The following CDH26 variants were observed in gnomAD, a reference collection of about 807,000 sequenced individuals.
CDH26 encodes the protein cadherin 26, also known as cadherin-like protein 26.
A neutral mutation model predicts 90.3 loss-of-function variants in CDH26; 83 were observed. The ratio of observed to expected loss-of-function variants is 0.92; its 90% CI spans 0.77 to 1.10. CDH26 has a LOEUF of 1.10. Among genes scored for constraint, CDH26 ranks in the 50% least tolerant of loss-of-function variants. CDH26 has a pLI of 0.00. For missense variants in CDH26, 1,013 were observed against 1,037.6 expected (o/e 0.98, Z 0.33); for synonymous variants, 397 against 396.3 (o/e 1.00, Z -0.02).
chr20:60,028,690 A>G (rs2062017113), intron 7 of CDH26, among the ~76,000 whole-genome samples: 2 of 152,180 alleles, frequency 1.3e-5, no homozygotes, highest in African/African-American at 4.8e-5. Context: ...TGACATGGCA[A>G]GTGAGGTTGT....
chr20:59,982,581 C>A (rs2061407364), intron 4 of CDH26, among the ~76,000 whole-genome samples: 1 of 152,212 alleles, frequency 6.6e-6, no homozygotes, highest in Non-Finnish European at 1.5e-5. Flanking sequence ...ATATTTATTT[C>A]TCATGACAAC....
chr20:59,982,145 G>A (rs187069645), intron 4 of CDH26, among the ~76,000 whole-genome samples: 47 of 151,962 alleles, frequency 3.1e-4, no homozygotes, highest in South Asian at 8.3e-4. Flanking sequence ...AATTCTCTCC[G>A]CTTCCTTATT....
chr20:60,019,138 A>C (rs1171082753), downstream of CDH26, among the ~76,000 whole-genome samples: 3 of 152,096 alleles, frequency 2.0e-5, no homozygotes, highest in Admixed American at 1.3e-4. Context: ...TGTTTTTAAA[A>C]TTATTCCTTT....
intron 17 of CDH26, among the ~76,000 whole-genome samples, chr20:60,007,684 A>G (rs192399396): frequency 1.6e-4 from 24 of 151,634 alleles, no homozygotes; most frequent in Non-Finnish European, 3.4e-4. Flanking sequence ...CCAGTGAGCA[A>G]TGAGGGCATC....
downstream of CDH26, among the ~76,000 whole-genome samples, chr20:60,016,254 A>G (rs900123962): frequency 2.0e-5 from 3 of 152,226 alleles, no homozygotes; most frequent in Non-Finnish European, 4.4e-5. Flanking sequence ...ATCCATGGGC[A>G]TGAAATGTCT....
chr20:59,991,373 A>T (rs1162105345), intron 9 of CDH26, among the ~76,000 whole-genome samples: 1 of 152,188 alleles, frequency 6.6e-6, no homozygotes, highest in Non-Finnish European at 1.5e-5. Context: ...CTTTTGTGAC[A>T]GGGTGGAGGC....
intron 7 of CDH26, 54 bp downstream of exon 7, chr20:59,985,183 G>A: frequency 6.2e-7 from 1 of 1,600,890 alleles, no homozygotes; most frequent in Admixed American, 1.7e-5. Context: ...TAGCCCTTGG[G>A]TCCTAGGCTC....
At position 59,958,662 on chromosome 20, in the gene CDH26, G is replaced by A. The variant is rs897956957; in HGVS notation, c.-65G>A. The A allele has an allele frequency of 6.6e-7, 1 of 1,524,202 alleles. No individual in the cohort carries two copies. The highest frequency in any genetic ancestry group is 9.1e-7 in the Non-Finnish European group (1 of 1,099,446). 94.4% of individuals were successfully genotyped at this position (1,524,202 alleles called of 1,614,324 possible). On this transcript the variant is annotated 5_prime_UTR_variant, in exon 1 of 18. Coordinates refer to ENST00000348616, the MANE Select transcript of CDH26 (RefSeq NM_177980.4). ...TGAGAAGGAGGTGTGTGGCTCCGGT[G>A]AGACCACCAGCTTGGAGGACTGGTC... is the stretch of plus-strand genomic sequence containing the variant.
At chr20:60,006,861 G>A in intron 17 of CDH26, 74 bp downstream of exon 17, 1 of 1,116,100 alleles carries the variant, frequency 9.0e-7, no homozygotes, top group Non-Finnish European at 1.4e-6. Context: ...GCTTGATTTG[G>A]GGACACTTCC....
intron 1 of CDH26, among the ~76,000 whole-genome samples, chr20:59,968,137 G>A (rs1168401872): frequency 2.9e-5 from 4 of 138,390 alleles, no homozygotes; most frequent in Non-Finnish European, 4.6e-5. Flanking sequence ...TTGCTCTGTC[G>A]CCCAGGCTGG....
intron 4 of CDH26, among the ~76,000 whole-genome samples, chr20:59,976,336 T>C (rs1003607651): frequency 2.6e-5 from 4 of 152,228 alleles, no homozygotes; most frequent in African/African-American, 9.6e-5. Context: ...ACATTTCTTT[T>C]CTCCATTGTA....
intron 9 of CDH26, 113 bp downstream of exon 9, chr20:59,989,276 C>T: frequency 2.1e-6 from 3 of 1,400,534 alleles, no homozygotes; most frequent in African/African-American, 1.4e-5. Flanking sequence ...CGCCTGTAAT[C>T]CCAGCGCTTT....
intron 15 of CDH26, among the ~76,000 whole-genome samples, chr20:60,002,027 C>T (rs2061683161): frequency 6.6e-6 from 1 of 152,020 alleles, no homozygotes; most frequent in South Asian, 2.1e-4. Flanking sequence ...CAGTCACAGA[C>T]CTTATTTGGA....
Position 60,012,844 on chromosome 20 carries a change from C to T in CDH26, c.*114C>T. The T allele has an allele frequency of 1.1e-6, 1 of 917,850 alleles. No homozygotes were observed. Among genetic ancestry groups the T allele is most frequent in the Non-Finnish European group, 1.6e-6 (1 of 607,198 alleles). 56.9% of individuals were successfully genotyped at this position (917,850 alleles called of 1,614,324 possible). On this transcript the variant is annotated 3_prime_UTR_variant, in exon 18 of 18. Coordinates refer to ENST00000348616, the MANE Select transcript of CDH26 (RefSeq NM_177980.4). ...CTTAAAAGAAAAATTACCTTCTAGTCCTAGGATGAGGACACACTATTAGTT... is the reference window on the plus strand; with the variant it reads ...CTTAAAAGAAAAATTACCTTCTAGTTCTAGGATGAGGACACACTATTAGTT...
intron 3 of CDH26, among the ~76,000 whole-genome samples, chr20:59,970,491 T>C (rs531308854): frequency 7.2e-5 from 11 of 151,986 alleles, no homozygotes; most frequent in Admixed American, 1.3e-4. Context: ...AGAGGCTTTT[T>C]TTTTTTTTAA....
intron 2 of CDH26, among the ~76,000 whole-genome samples, chr20:59,969,868 C>T (rs531472163): frequency 2.8e-4 from 43 of 152,302 alleles, no homozygotes; most frequent in African/African-American, 9.4e-4. Context: ...CACGTCAAAT[C>T]ATCGGACAGC....
intron 4 of CDH26, among the ~76,000 whole-genome samples, chr20:59,973,496 G>C (rs562943045): frequency 6.6e-6 from 1 of 152,172 alleles, no homozygotes; most frequent in African/African-American, 2.4e-5. Flanking sequence ...TCATCATCCA[G>C]GTATTAAGCC....
chr20:60,022,776 A>G (rs1482652723), intron 7 of CDH26, among the ~76,000 whole-genome samples: 1 of 152,218 alleles, frequency 6.6e-6, no homozygotes, highest in East Asian at 1.9e-4. Flanking sequence ...ATGAAGAAGG[A>G]GAAGGATAAA....
intron 7 of CDH26, among the ~76,000 whole-genome samples, chr20:60,024,470 C>G (rs2061981583): frequency 6.6e-6 from 1 of 152,234 alleles, no homozygotes; most frequent in Non-Finnish European, 1.5e-5. Context: ...TCTGTTCTTA[C>G]TCATCTCCCT....
Sources: gnomAD v4.1 joint callset for allele counts (sites outside exome capture counted in the v4.1 genomes callset) on GRCh38, gnomAD v4.1.1 for gene constraint, MANE v1.5 for transcripts, NCBI Gene and HGNC (gene_info 2026-07-23, HGNC 2026-07-21) for gene names.